Variants in RGS6 observed in about 807,000 individuals in gnomAD.
RGS6 encodes regulator of G-protein signaling 6.
A neutral mutation model predicts 78.5 loss-of-function variants in RGS6; 30 were observed. That is an observed-to-expected ratio of 0.38 (90% confidence interval 0.29 to 0.52). RGS6 has a LOEUF of 0.52. RGS6 is among the 20% of genes least tolerant of loss of function. The pLI, the probability that RGS6 is intolerant of heterozygous loss-of-function variation, is 0.85. For synonymous variants in RGS6, 206 were observed against 206.0 expected (o/e 1.00, Z 0.00); for missense variants, 495 against 609.7 (o/e 0.81, Z 1.98).
the RGS6 span, among the ~76,000 whole-genome samples, chr14:72,572,909 G>A: frequency 6.6e-6 from 1 of 151,784 alleles, no homozygotes; most frequent in Non-Finnish European, 1.5e-5. Context: ...AAAGGAGAGG[G>A]GGAAGAGAGA....
chr14:72,600,495 AG>A, the RGS6 span, among the ~76,000 whole-genome samples: 1 of 152,056 alleles, frequency 6.6e-6, no homozygotes, highest in Non-Finnish European at 1.5e-5. Context: ...TGGAAAATGA[AG>A]GGTTGCACGA....
At chr14:72,575,159 G>A in the RGS6 span, among the ~76,000 whole-genome samples, 1 of 152,166 alleles carries the variant, frequency 6.6e-6, no homozygotes, top group Non-Finnish European at 1.5e-5. Context: ...TAAATGGTAG[G>A]AGGCAGCATT....
intron 2 of RGS6, among the ~76,000 whole-genome samples, chr14:72,202,246 A>G (rs2041729521): frequency 6.6e-6 from 1 of 152,170 alleles, no homozygotes; most frequent in African/African-American, 2.4e-5. Flanking sequence ...TATTCTCCAA[A>G]TCGCTGAGAC....
At chr14:71,920,519 T>C in the RGS6 span, among the ~76,000 whole-genome samples, 1 of 152,146 alleles carries the variant, frequency 6.6e-6, no homozygotes, top group African/African-American at 2.4e-5. Flanking sequence ...ATAAAGACTT[T>C]GTCTGAAAAA....
chr14:72,308,198 G>A (rs1456291790), intron 2 of RGS6, among the ~76,000 whole-genome samples: 1 of 152,118 alleles, frequency 6.6e-6, no homozygotes, highest in African/African-American at 2.4e-5. Flanking sequence ...GAACGATGCT[G>A]AGTAAAGGAT....
intron 1 of RGS6, among the ~76,000 whole-genome samples, chr14:71,933,912 A>G (rs2088430638): frequency 6.6e-6 from 1 of 152,202 alleles, no homozygotes; most frequent in Non-Finnish European, 1.5e-5. Flanking sequence ...AGAATGAGCT[A>G]CAAGTTTGTG....
intron 2 of RGS6, among the ~76,000 whole-genome samples, chr14:72,123,450 A>G (rs2096108580): frequency 6.6e-6 from 1 of 152,142 alleles, no homozygotes; most frequent in Non-Finnish European, 1.5e-5. Context: ...TTATTTCTCC[A>G]AGAGTGTTTA....
downstream of RGS6, among the ~76,000 whole-genome samples, chr14:72,569,125 T>C (rs1284603957): frequency 6.6e-6 from 1 of 152,110 alleles, no homozygotes; most frequent in East Asian, 1.9e-4. Flanking sequence ...TGTGTGTGTG[T>C]GTGTGTGTGT....
At chr14:72,312,440 C>T (rs1408440431) in intron 2 of RGS6, among the ~76,000 whole-genome samples, 2 of 152,026 alleles carry the variant, frequency 1.3e-5, no homozygotes, top group African/African-American at 4.8e-5. Context: ...TCCTTTTCAT[C>T]GTTTTATGTC....
At chr14:72,253,880 C>T (rs369724284) in intron 2 of RGS6, among the ~76,000 whole-genome samples, 6 of 152,190 alleles carry the variant, frequency 3.9e-5, no homozygotes, top group African/African-American at 7.2e-5. Context: ...TATATAACTG[C>T]GCCTATCTGT....
At chr14:72,317,475 G>T (rs988572309) in intron 2 of RGS6, among the ~76,000 whole-genome samples, 1 of 152,104 alleles carries the variant, frequency 6.6e-6, no homozygotes, top group African/African-American at 2.4e-5. Context: ...GTGCACGTTT[G>T]CCTCGACTCT....
At chr14:72,478,604 A>T (rs2096294945) in intron 12 of RGS6, among the ~76,000 whole-genome samples, 1 of 152,198 alleles carries the variant, frequency 6.6e-6, no homozygotes, top group Non-Finnish European at 1.5e-5. Context: ...AAGCTACATA[A>T]TGCACCTTTG....
chr14:72,426,888 A>G (rs1438353564), intron 3 of RGS6, among the ~76,000 whole-genome samples: 3 of 152,244 alleles, frequency 2.0e-5, no homozygotes, highest in Admixed American at 6.5e-5. Flanking sequence ...CAGAAGCAAC[A>G]CTATGAAACT....
At chr14:72,542,113 A>AAAAAAAAAAAC (rs375561739) in intron 17 of RGS6, among the ~76,000 whole-genome samples, 326 of 152,186 alleles carry the variant, frequency 2.1e-3, no homozygotes, top group African/African-American at 6.5e-3. Context: ...ATTAAAAAAA[A>AAAAAAAAAAAC]CTAAATTCCT....
chr14:72,571,522 G>C (rs192584097), downstream of RGS6, among the ~76,000 whole-genome samples: 2 of 152,202 alleles, frequency 1.3e-5, no homozygotes, highest in Admixed American at 1.3e-4. Context: ...AAACCCATGC[G>C]TTTATAGCCA....
At chr14:72,431,116 T>G (rs1457918358) in intron 3 of RGS6, among the ~76,000 whole-genome samples, 1 of 152,198 alleles carries the variant, frequency 6.6e-6, no homozygotes, top group African/African-American at 2.4e-5. Flanking sequence ...AAAGTCCATA[T>G]GTACTAGGAT....
intron 15 of RGS6, among the ~76,000 whole-genome samples, chr14:72,533,545 G>A (rs1334138163): frequency 6.6e-6 from 1 of 152,210 alleles, no homozygotes; most frequent in Admixed American, 6.5e-5. Flanking sequence ...TTCCTCTGAT[G>A]GATTTGGGCA....
intron 2 of RGS6, among the ~76,000 whole-genome samples, chr14:72,164,539 C>T (rs1167708308): frequency 2.0e-5 from 3 of 152,288 alleles, no homozygotes; most frequent in South Asian, 2.1e-4. Context: ...ATGGAATCTT[C>T]GCCACAACCC....
chr14:72,363,931 C>G (rs1334057806), intron 3 of RGS6, among the ~76,000 whole-genome samples: 1 of 110,916 alleles, frequency 9.0e-6, no homozygotes, highest in Admixed American at 1.2e-4. Context: ...ATCTGAAAAA[C>G]AAATGGATGA....
Sources: allele counts gnomAD v4.1 joint callset (sites outside exome capture counted in the v4.1 genomes callset), GRCh38; gene constraint gnomAD v4.1.1; transcripts MANE v1.5; gene names NCBI Gene and HGNC (gene_info 2026-07-23, HGNC 2026-07-21).